The following KCNAB2 variants were observed in gnomAD, a reference collection of about 807,000 sequenced individuals.
KCNAB2 encodes voltage-gated potassium channel subunit beta-2.
A neutral mutation model predicts 63.6 loss-of-function variants in KCNAB2; 29 were observed. The observed-to-expected ratio is 0.46, with a 90% confidence interval of 0.34 to 0.62. The LOEUF is 0.62. Ranked by LOEUF, KCNAB2 falls within the 20% of genes least tolerant of loss-of-function variation. KCNAB2 has a pLI of 0.01. For synonymous variants in KCNAB2, 222 were observed against 224.2 expected, an observed-to-expected ratio of 0.99 and a Z score of 0.09; for missense variants, 359 against 563.9, an observed-to-expected ratio of 0.64 and a Z score of 3.68.
At position 6,051,583 on chromosome 1, in the gene KCNAB2, G is replaced by C. The variant is rs969933391; in HGVS notation, c.47G>C (p.Arg16Thr). 3 of 1,534,480 alleles carry C rather than the reference G, an allele frequency of 2.0e-6. No homozygotes were observed. Among genetic ancestry groups the C allele is most frequent in the African/African-American group, 2.7e-5 (2 of 73,048 alleles). ...GAGAGTCTGCGGAGCGTGAGCAGCA[G>C]GTGCCACTCTGAATGGGCCCTGCAC... Reference protein sequence around the residue: ...YSESLRSVSSRCHSEWALHPV... With the variant: ...YSESLRSVSSTCHSEWALHPV... Residue 16 changes from arginine to threonine, a missense_variant, in exon 2 of 16, where the codon AGG (arginine) becomes ACG (threonine). Coordinates refer to ENST00000378083, the MANE Select transcript of KCNAB2 (RefSeq NM_001199862.2).
intron 1 of KCNAB2, chr1:6,027,593 G>A (rs1659292221): frequency 6.6e-6 from 1 of 152,198 alleles, no homozygotes; most frequent in Admixed American, 6.5e-5. Context: ...ATGTGAATGT[G>A]GACTGTTCTT....
Position 6,046,054 on chromosome 1 carries a change from A to G in KCNAB2, c.-156A>G. On this transcript the variant is annotated 5_prime_UTR_variant, in exon 1 of 16. Transcript: ENST00000378083. ...CTGGTGGGACTCATCTCATTCACCA[A>G]TTGCTTCTGACGTCCTGCAGTGACA... is the stretch of plus-strand genomic sequence containing the variant. 9.1e-6 allele frequency: 9 copies of G among 985,388 alleles called. No individual in the cohort carries two copies. The highest frequency in any genetic ancestry group is 1.1e-5 in the Non-Finnish European group (9 of 829,902). The allele number at this position is 985,388 out of a possible 1,614,324, so 61.0% of individuals were successfully genotyped here.
At chr1:6,049,507 C>G (rs1477129116) in intron 1 of KCNAB2, among the ~76,000 whole-genome samples, 3 of 152,210 alleles carry the variant, frequency 2.0e-5, no homozygotes, top group East Asian at 1.9e-4. Context: ...GCAGCCCCCC[C>G]ACCCCCGGGA....
Position 6,101,158 on chromosome 1 carries a change from AAAAT to A in KCNAB2, c.*2592_*2595del, listed in dbSNP as rs1571127620. 2 of 152,264 alleles carry A rather than the reference AAAAT, an allele frequency of 1.3e-5. No homozygotes were observed. Among genetic ancestry groups the A allele is most frequent in the African/African-American group, 4.8e-5 (2 of 41,454 alleles). The allele number at this position is 152,264 out of a possible 1,614,324, so 9.4% of individuals were successfully genotyped here. A position where few individuals can be genotyped will look rare whatever the true frequency, so the allele number is the denominator to read the frequency against. ...ACAGCCACCGTATTTATGGAATGAC[AAAAT>A]AAATAAAGCCCAAACCCATCGGTCT... On this transcript the variant is annotated 3_prime_UTR_variant, in exon 16 of 16. Transcript: ENST00000378083.
intron 5 of KCNAB2, among the ~76,000 whole-genome samples, chr1:6,082,982 C>G (rs985876446): frequency 1.3e-5 from 2 of 152,204 alleles, no homozygotes; most frequent in Non-Finnish European, 2.9e-5. Flanking sequence ...GGGTGGTTAC[C>G]TGCAACTGCA....
chr1:6,072,683 C>T (rs1363399015), intron 2 of KCNAB2, 72 bp from the exon 3 acceptor site: 9 of 1,526,114 alleles, frequency 5.9e-6, no homozygotes, highest in Non-Finnish European at 7.3e-6. Context: ...GGGGCTGGCC[C>T]TGGCGGGAAC....
rs566414429 is a variant in KCNAB2, at chr1:6,097,262, G to A, written c.1070-7G>A. 1.3e-4 allele frequency: 200 copies of A among 1,538,990 alleles called. 1 individual carries two copies. In the South Asian group the frequency reaches 2.0e-3, roughly 16 times the overall value. On this transcript the variant is annotated splice_region_variant and splice_polypyrimidine_tract_variant and intron_variant, in intron 14 of 15. Coordinates refer to ENST00000378083, the MANE Select transcript of KCNAB2 (RefSeq NM_001199862.2). ...TTTCTCCCTCACCTTGGGTCTCGCC[G>A]CCACAGCCTGGTGCCTGAGGAATGA...
At chr1:6,084,583 C>A (rs3789536) in intron 5 of KCNAB2, among the ~76,000 whole-genome samples, 2,668 of 152,200 alleles carry the variant, frequency 0.018, 72 homozygotes, top group East Asian at 0.13. Flanking sequence ...TGGGAGGCCA[C>A]AGTGGGCGGA....
intron 2 of KCNAB2, among the ~76,000 whole-genome samples, chr1:6,052,974 C>A (rs1306470432): frequency 6.6e-6 from 1 of 152,130 alleles, no homozygotes; most frequent in Non-Finnish European, 1.5e-5. Flanking sequence ...GTGCTCTGTG[C>A]AGAGTGGAGT....
chr1:6,008,738 G>A (rs1657975051), intron 1 of KCNAB2, among the ~76,000 whole-genome samples: 1 of 152,184 alleles, frequency 6.6e-6, no homozygotes, highest in Non-Finnish European at 1.5e-5. Flanking sequence ...AGTGGCTGAG[G>A]GAGTGAGGCC....
Position 6,046,136 on chromosome 1 carries a change from A to G in KCNAB2, c.-74A>G. The G allele has an allele frequency of 1.0e-6, 1 of 985,334 alleles. No individual in the cohort carries two copies. Among genetic ancestry groups the G allele is most frequent in the Non-Finnish European group, 1.2e-6 (1 of 829,890 alleles). The allele number at this position is 985,334 out of a possible 1,614,324, so 61.0% of individuals were successfully genotyped here. A position where few individuals can be genotyped will look rare whatever the true frequency, so the allele number is the denominator to read the frequency against. ...CTTAGAGTGTCTGGTGATCCCTAATAAACCAGACTGTGGCCTTTTTAACGA... is the reference window on the plus strand; with the variant it reads ...CTTAGAGTGTCTGGTGATCCCTAATGAACCAGACTGTGGCCTTTTTAACGA... On this transcript the variant is annotated 5_prime_UTR_variant, in exon 1 of 16. The change creates a new upstream start codon in the 5' untranslated region. Transcript: ENST00000378083.
chr1:5,999,697 C>T (rs753795891), intron 1 of KCNAB2, among the ~76,000 whole-genome samples: 10 of 152,050 alleles, frequency 6.6e-5, no homozygotes, highest in Non-Finnish European at 1.0e-4. Context: ...TGCTTGCCCA[C>T]GGCAGAGGAG....
intron 1 of KCNAB2, among the ~76,000 whole-genome samples, chr1:6,022,310 G>A (rs781089145): frequency 6.6e-6 from 1 of 151,918 alleles, no homozygotes; most frequent in Non-Finnish European, 1.5e-5. Flanking sequence ...TGAGTGTATG[G>A]CTCAGTGGTA....
chr1:6,020,419 T>C (rs1349300300), intron 1 of KCNAB2, among the ~76,000 whole-genome samples: 1 of 152,026 alleles, frequency 6.6e-6, no homozygotes, highest in Non-Finnish European at 1.5e-5. Context: ...CAGCCTGAGA[T>C]GCCCCCAGCA....
chr1:6,024,398 A>T lies in KCNAB2; in HGVS notation c.-52-16119A>T, dbSNP rs2100345747. Among the ~76,000 whole-genome samples, 1 of 152,250 alleles carries T rather than the reference A, an allele frequency of 6.6e-6. No homozygotes were observed. The highest frequency in any genetic ancestry group is 6.5e-5 in the Admixed American group (1 of 15,290). On this transcript the variant is annotated intron_variant, in intron 1 of 16. Transcript: ENST00000341524. The surrounding 1 kb of genome is among the most constrained non-coding windows in gnomAD (Gnocchi z 5.4). ...CGCACCCAGCCAGTAGTGTCTTTTA[A>T]ATGAAGTATCTCTAATTTTGCCACT...
chr1:6,004,997 GGAGCTGAGCTAAGGGGTGA>G (rs1657497932), intron 1 of KCNAB2, among the ~76,000 whole-genome samples: 2 of 123,734 alleles, frequency 1.6e-5, no homozygotes, highest in Non-Finnish European at 3.7e-5. Context: ...CAGAGATCTG[GGAGCTGAGCTAAGGGGTGA>G]GGGTGGAGTA....
intron 2 of KCNAB2, among the ~76,000 whole-genome samples, chr1:6,068,199 ACT>A (rs1407132483): frequency 6.6e-6 from 1 of 152,246 alleles, no homozygotes; most frequent in Non-Finnish European, 1.5e-5. Context: ...GGCTGTTAAC[ACT>A]GTTTCCCTCC....
intron 1 of KCNAB2, among the ~76,000 whole-genome samples, chr1:6,021,300 T>G (rs1658803634): frequency 6.6e-6 from 1 of 152,236 alleles, no homozygotes; most frequent in Non-Finnish European, 1.5e-5. Flanking sequence ...AGCCACCATG[T>G]GCCATGTTTA....
Position 6,078,194 on chromosome 1 carries a change from T to C in KCNAB2, c.301-4001T>C, listed in dbSNP as rs905152635. Among the ~76,000 whole-genome samples the C allele has an allele frequency of 1.3e-5, 2 of 152,192 alleles. No homozygotes were observed. Among genetic ancestry groups the C allele is most frequent in the African/African-American group, 4.8e-5 (2 of 41,444 alleles). ...ATCCCCCAGTCTCTGCCCCTGTGGATACTCTCCGTCCTCCTCTTCTGTCAG... is the reference window on the plus strand; with the variant it reads ...ATCCCCCAGTCTCTGCCCCTGTGGACACTCTCCGTCCTCCTCTTCTGTCAG... On this transcript the variant is annotated intron_variant, in intron 4 of 15. Coordinates refer to ENST00000378083, the MANE Select transcript of KCNAB2 (RefSeq NM_001199862.2). This position sits in a 1 kb window ranked among gnomAD's most constrained non-coding sequence, Gnocchi z 4.2.
Sources: allele counts gnomAD v4.1 joint callset (sites outside exome capture counted in the v4.1 genomes callset), GRCh38; gene constraint gnomAD v4.1.1; non-coding constraint Gnocchi (gnomAD v3.1); transcripts MANE v1.5; gene names NCBI Gene and HGNC (gene_info 2026-07-23, HGNC 2026-07-21).